Variants in CPA6 observed in about 807,000 individuals in gnomAD.
The protein encoded by CPA6 is carboxypeptidase A6, also known as carboxypeptidase B.
CPA6 carries 58 observed loss-of-function variants against 63.3 expected under a neutral mutation model. That is an observed-to-expected ratio of 0.92 (90% CI 0.74 to 1.14). CPA6 has a LOEUF of 1.14. Ranked by LOEUF, CPA6 falls within the 50% of genes most tolerant of loss-of-function variation. The probability of loss-of-function intolerance (pLI) is 0.00; values close to 1 mark genes in which losing one functional copy is unlikely to be tolerated. For missense variants in CPA6, 565 were observed against 526.6 expected, an observed-to-expected ratio of 1.07 and a Z score of -0.71; for synonymous variants, 185 against 179.0, an observed-to-expected ratio of 1.03 and a Z score of -0.27.
intron 5 of CPA6, among the ~76,000 whole-genome samples, chr8:67,508,372 T>A (rs1811976477): frequency 6.6e-6 from 1 of 152,056 alleles, no homozygotes. Context: ...GAATCTGAGG[T>A]GCTTTTCTGA....
chr8:67,696,842 G>GA (rs1350532066), intron 1 of CPA6, among the ~76,000 whole-genome samples: 1 of 152,202 alleles, frequency 6.6e-6, no homozygotes, highest in Non-Finnish European at 1.5e-5. Context: ...AAGAAGGATA[G>GA]ACCAGGGGAT....
intron 6 of CPA6, among the ~76,000 whole-genome samples, chr8:67,504,523 C>T (rs1199549663): frequency 2.0e-5 from 3 of 152,176 alleles, no homozygotes; most frequent in Non-Finnish European, 2.9e-5. Context: ...AGCCAGGTGC[C>T]ACGTTTTCAG....
At chr8:67,741,964 T>G (rs895850390) in intron 1 of CPA6, among the ~76,000 whole-genome samples, 12 of 152,160 alleles carry the variant, frequency 7.9e-5, no homozygotes, top group Non-Finnish European at 1.6e-4. Context: ...CACACAGCAC[T>G]TACACATTGT....
chr8:67,667,962 G>A (rs567725480), intron 1 of CPA6, among the ~76,000 whole-genome samples: 1 of 152,310 alleles, frequency 6.6e-6, no homozygotes, highest in South Asian at 2.1e-4. Context: ...CAGTAGCCAC[G>A]GCCACACATC....
intron 2 of CPA6, among the ~76,000 whole-genome samples, chr8:67,535,996 C>G (rs781082009): frequency 2.0e-5 from 3 of 152,048 alleles, no homozygotes; most frequent in Non-Finnish European, 4.4e-5. Flanking sequence ...TGTCAGTTTG[C>G]CAAAGATCAG....
chr8:67,486,143 T>C (rs771984358), intron 6 of CPA6, among the ~76,000 whole-genome samples: 18 of 152,248 alleles, frequency 1.2e-4, no homozygotes, highest in Non-Finnish European at 2.2e-4. Context: ...GGTTATGATG[T>C]GTCAAATAAT....
chr8:67,518,797 C>T (rs1357366930), intron 2 of CPA6, among the ~76,000 whole-genome samples: 1 of 152,112 alleles, frequency 6.6e-6, no homozygotes, highest in African/African-American at 2.4e-5. Context: ...ATACGTGAGC[C>T]ACGGTGCCCC....
chr8:67,445,234 T>G (rs946115329), intron 8 of CPA6, among the ~76,000 whole-genome samples: 15 of 151,228 alleles, frequency 9.9e-5, no homozygotes, highest in African/African-American at 3.4e-4. Context: ...GATTTTTTTT[T>G]GGGAGGACAA....
In CPA6 at chr8:67,624,160, GTA is replaced by G. The variant is rs771681163; in HGVS notation, c.192+14_192+15del. On this transcript the variant is annotated intron_variant, in intron 2 of 10. Transcript: ENST00000297770. ...ACAAGCACAATTCTACCATAAGTGTGTAGATGTTCTATTACCTTAAGTTGATA... is the reference window on the plus strand; with the variant it reads ...ACAAGCACAATTCTACCATAAGTGTGGATGTTCTATTACCTTAAGTTGATA... The G allele has an allele frequency of 6.1e-5, 88 of 1,432,744 alleles. No homozygotes were observed. In the African/African-American group the frequency reaches 1.1e-3, roughly 17 times the overall value. 88.8% of individuals were successfully genotyped at this position (1,432,744 alleles called of 1,614,324 possible).
intron 2 of CPA6, among the ~76,000 whole-genome samples, chr8:67,525,332 T>C (rs1020657361): frequency 6.6e-6 from 1 of 152,192 alleles, no homozygotes; most frequent in Non-Finnish European, 1.5e-5. Flanking sequence ...AATGAAAATA[T>C]ATCAACTAAC....
rs181402380 is a variant in CPA6 at position 67,552,513 on chromosome 8, C to T, written c.193-34466G>A. Among the ~76,000 whole-genome samples, 586 of 152,128 alleles carry T rather than the reference C, an allele frequency of 3.9e-3. 2 individuals are homozygous for T. The highest frequency in any genetic ancestry group is 0.013 in the African/African-American group (547 of 41,522). ...TGATGGCCGGGCACGGTGGCTCATGCCTGTAATCCCAGCACTTTGGGAGGC... is the reference window on the plus strand; with the variant it reads ...TGATGGCCGGGCACGGTGGCTCATGTCTGTAATCCCAGCACTTTGGGAGGC... On this transcript the variant is annotated intron_variant, in intron 2 of 10. Transcript: ENST00000297770.
At chr8:67,675,558 C>T (rs1453563238) in intron 1 of CPA6, among the ~76,000 whole-genome samples, 9 of 152,184 alleles carry the variant, frequency 5.9e-5, no homozygotes, top group Admixed American at 4.6e-4. Flanking sequence ...AGTAGAGAGG[C>T]CCCTATTGCC....
At chr8:67,432,812 G>A (rs1362879049) in intron 9 of CPA6, among the ~76,000 whole-genome samples, 1 of 152,172 alleles carries the variant, frequency 6.6e-6, no homozygotes, top group African/African-American at 2.4e-5. Context: ...GCTCTTTCCT[G>A]AGCTCTGTGA....
chr8:67,492,220 A>G (rs993361558), intron 6 of CPA6, among the ~76,000 whole-genome samples: 1 of 152,216 alleles, frequency 6.6e-6, no homozygotes, highest in Admixed American at 6.5e-5. Flanking sequence ...CAACTTACCA[A>G]TACAGATGAG....
At chr8:67,730,105 GC>G in intron 1 of CPA6, among the ~76,000 whole-genome samples, 1 of 152,288 alleles carries the variant, frequency 6.6e-6, no homozygotes, top group Middle Eastern at 3.4e-3. Flanking sequence ...AACCAGAACT[GC>G]CCCAGATCTC....
chr8:67,489,101 G>GT (rs1295607992), intron 6 of CPA6, among the ~76,000 whole-genome samples: 4 of 150,844 alleles, frequency 2.7e-5, no homozygotes, highest in South Asian at 2.1e-4. Flanking sequence ...GAATAGGAGT[G>GT]TTTTTTTTCT....
chr8:67,733,282 ACC>A (rs1176399481), intron 1 of CPA6, among the ~76,000 whole-genome samples: 1 of 135,698 alleles, frequency 7.4e-6, no homozygotes, highest in African/African-American at 2.7e-5. Flanking sequence ...GCTGGGCCCC[ACC>A]CCCAGAACTC....
intron 8 of CPA6, among the ~76,000 whole-genome samples, chr8:67,450,020 T>G (rs1468526365): frequency 6.6e-6 from 1 of 152,026 alleles, no homozygotes; most frequent in Non-Finnish European, 1.5e-5. Flanking sequence ...TTTGCCACAT[T>G]GGCCAGGCTG....
chr8:67,447,942 G>A (rs1397158919), intron 8 of CPA6, among the ~76,000 whole-genome samples: 1 of 152,032 alleles, frequency 6.6e-6, no homozygotes, highest in Admixed American at 6.6e-5. Flanking sequence ...GTGCCACCAC[G>A]CCAGGCTAAT....
Sources: allele counts gnomAD v4.1 joint callset (sites outside exome capture counted in the v4.1 genomes callset), GRCh38; gene constraint gnomAD v4.1.1; transcripts MANE v1.5; gene names NCBI Gene and HGNC (gene_info 2026-07-23, HGNC 2026-07-21).